The following MTOR variants were observed in gnomAD, a reference collection of about 807,000 sequenced individuals.
MTOR encodes the protein mechanistic target of rapamycin kinase.
MTOR carries 70 observed loss-of-function variants against 319.8 expected under a neutral mutation model. That is an observed-to-expected ratio of 0.22 (90% CI 0.18 to 0.27). The LOEUF is 0.27. Ranked by LOEUF, MTOR falls within the 10% of genes least tolerant of loss-of-function variation. MTOR has a pLI of 1.00. For synonymous variants in MTOR, 1,183 were observed against 1,211.4 expected (o/e 0.98, Z 0.49); for missense variants, 1,890 against 3,274.4 (o/e 0.58, Z 10.32).
chr1:11,234,125 C>G lies in MTOR; in HGVS notation c.2331+18G>C, dbSNP rs775942778. On this transcript the variant is annotated intron_variant, in intron 14 of 57. Transcript: ENST00000361445. ...TGACAACGCACAGAGAAAGCACCAG[C>G]CTCTCGGTTTGTGTTACCTTCAGAA... The G allele has an allele frequency of 5.0e-6, 8 of 1,614,088 alleles. No individual in the cohort carries two copies. The South Asian group carries it at 7.7e-5, about 16-fold the overall frequency.
rs1022016497 is a variant in MTOR at position 11,256,959 on chromosome 1, G to A, written c.478C>T (p.Arg160Cys). ...GCTGCATGTCTCCGGCCCTCATTGC[G>A]GTCAGCACCCAGCCATTCCAGGGCT... ...KRALEWLGADRNEGRRHAAVL... is the reference protein window; with the variant it reads ...KRALEWLGADCNEGRRHAAVL... Residue 160 changes from arginine (R) to cysteine (C), a missense_variant, in exon 4 of 58, where the codon CGC (arginine) becomes TGC (cysteine). Physicochemically the swap from Arg to Cys is radical, Grantham distance 180 (BLOSUM62 -3). Transcript: ENST00000361445. The A allele has an allele frequency of 1.9e-6, 3 of 1,613,878 alleles. No individual in the cohort carries two copies. Among genetic ancestry groups the A allele is most frequent in the Non-Finnish European group, 2.5e-6 (3 of 1,179,952 alleles).
In MTOR at chr1:11,128,997, T is replaced by C. The variant is rs1466212148; in HGVS notation, c.5715-46A>G. On this transcript the variant is annotated intron_variant, in intron 40 of 57. Transcript: ENST00000361445. This position sits in a 1 kb window ranked among gnomAD's most constrained non-coding sequence, Gnocchi z 5.3. The stretch of plus-strand genomic sequence containing the variant: ...TCACAGAAAATTTAGTTTCCCAGTT[T>C]TTGCCTGCCTGTTTTTCATCTCTAA... 6.6e-7 allele frequency: 1 copy of C among 1,526,404 alleles called. No homozygotes were observed. The highest frequency in any genetic ancestry group is 9.0e-7 in the Non-Finnish European group (1 of 1,112,702). The allele number at this position is 1,526,404 out of a possible 1,614,324, so 94.6% of individuals were successfully genotyped here. A position where few individuals can be genotyped will look rare whatever the true frequency, so the allele number is the denominator to read the frequency against.
At position 11,128,146 on chromosome 1, in the gene MTOR, AAC is replaced by A; in HGVS notation, c.5911-22_5911-21del. On this transcript the variant is annotated intron_variant, in intron 42 of 57. Transcript: ENST00000361445. This position sits in a 1 kb window ranked among gnomAD's most constrained non-coding sequence, Gnocchi z 5.3. ...GAGGGCCTGAGGGAAAAACAGAAGA[AAC>A]ATCTATAAAGGAAATGTGGGTTGGG... is the stretch of plus-strand genomic sequence containing the variant. The A allele has an allele frequency of 6.2e-7, 1 of 1,612,970 alleles. No homozygotes were observed. Among genetic ancestry groups the A allele is most frequent in the Non-Finnish European group, 8.5e-7 (1 of 1,179,680 alleles).
chr1:11,118,734 C>T (rs1642333090), intron 49 of MTOR, among the ~76,000 whole-genome samples: 1 of 151,564 alleles, frequency 6.6e-6, no homozygotes, highest in South Asian at 2.1e-4. Context: ...TCAAGTGATC[C>T]TCCCGCCACA....
chr1:11,137,963 T>C (rs1029240440), intron 36 of MTOR, among the ~76,000 whole-genome samples: 1 of 152,216 alleles, frequency 6.6e-6, no homozygotes, highest in African/African-American at 2.4e-5. Context: ...TCCTTAACTA[T>C]GAAGATATGA....
Position 11,150,246 on chromosome 1 carries a change from T to C in MTOR, c.4470-20A>G. 1 of 1,598,814 alleles carries C rather than the reference T, an allele frequency of 6.3e-7. No individual in the cohort carries two copies. Among genetic ancestry groups the C allele is most frequent in the African/African-American group, 1.3e-5 (1 of 74,826 alleles). On this transcript the variant is annotated intron_variant, in intron 30 of 57. Coordinates refer to ENST00000361445, the MANE Select transcript of MTOR (RefSeq NM_004958.4). Reference sequence around the variant, plus strand: ...TGACCCCTGAAGAAAATGAATTATATAGTCAGATTAATCCAAATCTCCTTA... The same window carrying C: ...TGACCCCTGAAGAAAATGAATTATACAGTCAGATTAATCCAAATCTCCTTA...
intron 4 of MTOR, 49 bp from the exon 5 acceptor site, chr1:11,256,241 T>C: frequency 1.3e-6 from 2 of 1,577,124 alleles, no homozygotes; most frequent in African/African-American, 1.3e-5. Flanking sequence ...AGAGTTTTGT[T>C]CTCTCAGGAG....
Position 11,139,608 on chromosome 1 carries a change from G to T in MTOR, c.4923C>A (p.Ser1641=). 1 of 1,614,132 alleles carries T rather than the reference G, an allele frequency of 6.2e-7. No individual in the cohort carries two copies. Among genetic ancestry groups the T allele is most frequent in the Non-Finnish European group, 8.5e-7 (1 of 1,180,038 alleles). Residue 1641 remains serine, a synonymous_variant, in exon 35 of 58, where the codon TCC becomes TCA. Coordinates refer to ENST00000361445, the MANE Select transcript of MTOR (RefSeq NM_004958.4). ...EDWQKILMVR[S]LVVSPHEDMR... Reference sequence around the variant, plus strand: ...TGTCTTCATGAGGGCTGACCACAAGGGACCGCACCATAAGGATTTTCTGCC... The same window carrying T: ...TGTCTTCATGAGGGCTGACCACAAGTGACCGCACCATAAGGATTTTCTGCC...
chr1:11,183,448 T>C (rs559572813), intron 28 of MTOR, among the ~76,000 whole-genome samples: 1 of 152,278 alleles, frequency 6.6e-6, no homozygotes, highest in South Asian at 2.1e-4. Flanking sequence ...TACCAATCTT[T>C]TTATTGTGCT....
rs2100866566 is a variant in MTOR at position 11,231,067 on chromosome 1, G to A, written c.2650-13C>T. The A allele has an allele frequency of 1.1e-5, 18 of 1,613,892 alleles. No homozygotes were observed. Among genetic ancestry groups the A allele is most frequent in the Non-Finnish European group, 1.5e-5 (18 of 1,179,926 alleles). On this transcript the variant is annotated splice_polypyrimidine_tract_variant and intron_variant, in intron 17 of 57. Transcript: ENST00000361445. The stretch of plus-strand genomic sequence containing the variant: ...ACACACGGATGGCCTGCGTGGGAAA[G>A]GGGAGGGAAAAAAGAAAACATTCAT...
intron 16 of MTOR, 68 bp from the exon 17 acceptor site, chr1:11,231,502 T>C: frequency 6.4e-7 from 1 of 1,567,330 alleles, no homozygotes; most frequent in South Asian, 1.1e-5. Flanking sequence ...TTGAACTCTT[T>C]GTATAATGAT....
chr1:11,211,413 T>C (rs542366428), intron 23 of MTOR, among the ~76,000 whole-genome samples: 2 of 152,332 alleles, frequency 1.3e-5, no homozygotes, highest in South Asian at 4.1e-4. Flanking sequence ...TTGCCCAGGC[T>C]GGAGTGCAAT....
At chr1:11,246,850 C>A (rs1648899891) in intron 8 of MTOR, among the ~76,000 whole-genome samples, 2 of 152,140 alleles carry the variant, frequency 1.3e-5, no homozygotes. Context: ...TTACCTCTAC[C>A]CTATTTCCAA....
intron 8 of MTOR, 78 bp downstream of exon 8, chr1:11,247,547 G>C (rs919752110): frequency 1.7e-5 from 22 of 1,285,478 alleles, no homozygotes; most frequent in Non-Finnish European, 2.2e-5. Context: ...CAAAGGAAAA[G>C]ATATTTGGCT....
chr1:11,209,363 C>T lies in MTOR; in HGVS notation c.3750G>A (p.Val1250=). 1 of 1,614,134 alleles carries T rather than the reference C, an allele frequency of 6.2e-7. No individual in the cohort carries two copies. The highest frequency in any genetic ancestry group is 1.3e-5 in the African/African-American group (1 of 75,024). Reference sequence around the variant, plus strand: ...GCAGTTTCTTCATGGGTCCTGTTTCCACTGGTCCACTAGCCAATGCATCCC... The same window carrying T: ...GCAGTTTCTTCATGGGTCCTGTTTCTACTGGTCCACTAGCCAATGCATCCC... ...GQGDALASGP[V]ETGPMKKLHV... The change falls in exon 25 of 58, where the codon GTG becomes GTA. Residue 1250 remains valine, a synonymous_variant. Transcript: ENST00000361445.
Position 11,243,016 on chromosome 1 carries a change from A to G in MTOR, c.1412+98T>C. The G allele has an allele frequency of 2.3e-6, 3 of 1,322,146 alleles. No homozygotes were observed. The Admixed American group carries it at 6.6e-5, about 29-fold the overall frequency. 81.9% of individuals were successfully genotyped at this position (1,322,146 alleles called of 1,614,324 possible). On this transcript the variant is annotated intron_variant, in intron 9 of 57. Coordinates refer to ENST00000361445, the MANE Select transcript of MTOR (RefSeq NM_004958.4). The stretch of plus-strand genomic sequence containing the variant: ...ATTTGCTATACCCTGGAGTTTAATG[A>G]TGCAAAAAATGGGCGTAAGCTCCGT...
intron 28 of MTOR, among the ~76,000 whole-genome samples, chr1:11,182,385 A>C (rs1557813143): frequency 6.6e-6 from 1 of 152,216 alleles, no homozygotes; most frequent in Non-Finnish European, 1.5e-5. Context: ...TAAATAATAC[A>C]ATACTACTAC....
chr1:11,215,750 G>C (rs538953586), intron 20 of MTOR, among the ~76,000 whole-genome samples: 5 of 152,118 alleles, frequency 3.3e-5, no homozygotes, highest in Non-Finnish European at 5.9e-5. Flanking sequence ...TGCCCAACAC[G>C]TGTCCATCAT....
At chr1:11,168,293 C>T (rs921062642) in intron 28 of MTOR, among the ~76,000 whole-genome samples, 4 of 151,876 alleles carry the variant, frequency 2.6e-5, no homozygotes, top group African/African-American at 9.7e-5. Flanking sequence ...ATCCTCCTGC[C>T]TCAGCCTCCT....
Sources: gnomAD v4.1 joint callset for allele counts (sites outside exome capture counted in the v4.1 genomes callset) on GRCh38, gnomAD v4.1.1 for gene constraint, Gnocchi (gnomAD v3.1) non-coding constraint, MANE v1.5 for transcripts, NCBI Gene and HGNC (gene_info 2026-07-23, HGNC 2026-07-21) for gene names.